KCNH7: variants seen among roughly 807,000 people sequenced by gnomAD.
KCNH7 encodes potassium voltage-gated channel subfamily H member 7.
A neutral mutation model predicts 120.8 loss-of-function variants in KCNH7; 49 were observed. The ratio of observed to expected loss-of-function variants is 0.41; its 90% confidence interval spans 0.32 to 0.51. The LOEUF (loss-of-function observed/expected upper bound fraction) is 0.51, where lower values mean the gene tolerates loss of function less well. Among genes scored for constraint, KCNH7 ranks in the 20% least tolerant of loss-of-function variants. KCNH7 has a pLI of 0.38. For synonymous variants in KCNH7, 547 were observed against 516.1 expected, an observed-to-expected ratio of 1.06 and a Z score of -0.81; for missense variants, 1,097 against 1,446.6, an observed-to-expected ratio of 0.76 and a Z score of 3.92.
rs531542004 is a variant in KCNH7, at chr2:162,837,467, A to C, written c.77-700T>G. On this transcript the variant is annotated intron_variant, in intron 1 of 15. Transcript: ENST00000332142. ...TTCTGTAGTAGCAGGAATTCTTAAT[A>C]TAAAGAGCTTATTAATTTACATCAC... 7.2e-5 allele frequency among the ~76,000 whole-genome samples: 11 copies of C among 152,334 alleles called. No homozygotes were observed. In the South Asian group the frequency reaches 2.3e-3, roughly 32 times the overall value.
At chr2:162,380,548 T>A (rs906164365) in intron 13 of KCNH7, among the ~76,000 whole-genome samples, 11 of 152,092 alleles carry the variant, frequency 7.2e-5, no homozygotes, top group Admixed American at 2.6e-4. Context: ...CAAGGAGCCA[T>A]AAGCCATGAA....
At chr2:162,681,043 C>G (rs901909355) in intron 2 of KCNH7, among the ~76,000 whole-genome samples, 2 of 151,632 alleles carry the variant, frequency 1.3e-5, no homozygotes, top group Admixed American at 6.6e-5. Flanking sequence ...CATCAGTAGT[C>G]TTTTATACGG....
At chr2:162,592,216 C>A (rs1021447953) in intron 2 of KCNH7, among the ~76,000 whole-genome samples, 1 of 152,018 alleles carries the variant, frequency 6.6e-6, no homozygotes, top group African/African-American at 2.4e-5. Flanking sequence ...TATTCCTAGT[C>A]TCCTGATAGA....
At chr2:162,788,162 G>C (rs2105511034) in intron 2 of KCNH7, among the ~76,000 whole-genome samples, 1 of 152,242 alleles carries the variant, frequency 6.6e-6, no homozygotes, top group South Asian at 2.1e-4. Context: ...CATGAACTGT[G>C]TGGCAATAAT....
chr2:162,517,455 C>T (rs975748971), intron 4 of KCNH7, among the ~76,000 whole-genome samples: 1 of 151,704 alleles, frequency 6.6e-6, no homozygotes, highest in Non-Finnish European at 1.5e-5. Context: ...TTATAATAAG[C>T]ATTAATTAAT....
At chr2:162,418,329 A>G (rs539239113) in intron 9 of KCNH7, among the ~76,000 whole-genome samples, 1 of 152,232 alleles carries the variant, frequency 6.6e-6, no homozygotes, top group South Asian at 2.1e-4. Flanking sequence ...CTGAAATTTT[A>G]TTATAGCTGT....
At chr2:162,507,018 C>T (rs1036803160) in intron 5 of KCNH7, among the ~76,000 whole-genome samples, 3 of 151,824 alleles carry the variant, frequency 2.0e-5, no homozygotes, top group Non-Finnish European at 4.4e-5. Flanking sequence ...CACATATAAA[C>T]ACCACAATGT....
chr2:162,744,589 T>C (rs1033760170), intron 2 of KCNH7, among the ~76,000 whole-genome samples: 2 of 129,826 alleles, frequency 1.5e-5, no homozygotes, highest in African/African-American at 6.3e-5. Context: ...TTTTTTTTTT[T>C]TGATACGGAG....
At chr2:162,577,122 G>C (rs1473322876) in intron 2 of KCNH7, among the ~76,000 whole-genome samples, 1 of 151,710 alleles carries the variant, frequency 6.6e-6, no homozygotes, top group Non-Finnish European at 1.5e-5. Flanking sequence ...GTCTTGCTCT[G>C]TTGTTCAGGC....
Position 162,504,623 on chromosome 2 carries a change from T to C in KCNH7, c.948A>G (p.Gly316=). 6.2e-7 allele frequency: 1 copy of C among 1,612,476 alleles called. No individual in the cohort carries two copies. The highest frequency in any genetic ancestry group is 8.5e-7 in the Non-Finnish European group (1 of 1,178,942). Residue 316 remains glycine (G), a synonymous_variant, in exon 6 of 16, where the codon GGA becomes GGG. Transcript: ENST00000332142. ...TGTTGAGGTTTGAATCTGATGTGGA[T>C]CCCAGGAGGCTTGACTTGATATGAT... The part of the protein sequence containing the change: ...PFNHIKSSLL[G]STSDSNLNKY...
intron 9 of KCNH7, among the ~76,000 whole-genome samples, chr2:162,403,776 G>A (rs1232905360): frequency 1.3e-5 from 2 of 151,946 alleles, no homozygotes; most frequent in Non-Finnish European, 2.9e-5. Flanking sequence ...AGAGCCAGTT[G>A]TTGAATGTCT....
chr2:162,419,417 C>T (rs181653857), intron 9 of KCNH7, among the ~76,000 whole-genome samples: 7 of 151,652 alleles, frequency 4.6e-5, no homozygotes, highest in East Asian at 3.9e-4. Flanking sequence ...CCCATAATAA[C>T]GTTTCTGCAC....
At chr2:162,430,793 T>C (rs1435361506) in intron 8 of KCNH7, among the ~76,000 whole-genome samples, 1 of 152,000 alleles carries the variant, frequency 6.6e-6, no homozygotes, top group African/African-American at 2.4e-5. Context: ...CCAATCAAGA[T>C]GCTTGTCAAG....
At chr2:162,691,882 T>G (rs1475524281) in intron 2 of KCNH7, among the ~76,000 whole-genome samples, 1 of 152,192 alleles carries the variant, frequency 6.6e-6, no homozygotes, top group Non-Finnish European at 1.5e-5. Context: ...GAAACAATTC[T>G]GACCTTTGAG....
At chr2:162,555,772 T>A (rs1692833670) in intron 2 of KCNH7, among the ~76,000 whole-genome samples, 1 of 152,090 alleles carries the variant, frequency 6.6e-6, no homozygotes, top group Admixed American at 6.5e-5. Flanking sequence ...AGCCTTTTAG[T>A]GTCTATAAAG....
intron 2 of KCNH7, among the ~76,000 whole-genome samples, chr2:162,577,393 CTAT>C (rs1693723087): frequency 6.7e-6 from 1 of 149,650 alleles, no homozygotes; most frequent in Non-Finnish European, 1.5e-5. Context: ...ATCTATCTAT[CTAT>C]CCATCTATCT....
chr2:162,400,695 T>C (rs1032355281), intron 9 of KCNH7, among the ~76,000 whole-genome samples: 9 of 151,924 alleles, frequency 5.9e-5, no homozygotes, highest in Non-Finnish European at 1.5e-5. Context: ...TAAAATATAA[T>C]GCCTACAACT....
intron 2 of KCNH7, among the ~76,000 whole-genome samples, chr2:162,723,334 G>A (rs1007185582): frequency 3.3e-5 from 5 of 152,054 alleles, no homozygotes; most frequent in South Asian, 2.1e-4. Context: ...ATCCTCTCTT[G>A]TGCATGTTTC....
intron 11 of KCNH7, among the ~76,000 whole-genome samples, chr2:162,395,826 T>C (rs1367422232): frequency 6.6e-6 from 1 of 151,874 alleles, no homozygotes; most frequent in African/African-American, 2.4e-5. Flanking sequence ...TGGGAATGTC[T>C]ATAACTACAG....
Sources: allele counts gnomAD v4.1 joint callset (sites outside exome capture counted in the v4.1 genomes callset), GRCh38; gene constraint gnomAD v4.1.1; transcripts MANE v1.5; gene names NCBI Gene and HGNC (gene_info 2026-07-23, HGNC 2026-07-21).